Variants in KCNAB2 observed in about 807,000 individuals in gnomAD.
The protein encoded by KCNAB2 is voltage-gated potassium channel subunit beta-2.
In KCNAB2, 29 loss-of-function variants were observed where a neutral mutation model predicts 63.6. That is an observed-to-expected ratio of 0.46 (90% CI 0.34 to 0.62). The LOEUF is 0.62. Ranked by LOEUF, KCNAB2 falls within the 20% of genes least tolerant of loss-of-function variation. KCNAB2 has a pLI of 0.01. For synonymous variants in KCNAB2, 222 were observed against 224.2 expected (o/e 0.99, Z 0.09); for missense variants, 359 against 563.9 (o/e 0.64, Z 3.68).
At chr1:6,048,654 C>T (rs1054042735) in intron 1 of KCNAB2, among the ~76,000 whole-genome samples, 1 of 152,266 alleles carries the variant, frequency 6.6e-6, no homozygotes, top group African/African-American at 2.4e-5. Flanking sequence ...TCGGGCCAGG[C>T]AGGGAACTTG....
intron 10 of KCNAB2, among the ~76,000 whole-genome samples, chr1:6,092,624 G>A (rs944198439): frequency 1.2e-4 from 19 of 152,234 alleles, no homozygotes; most frequent in Non-Finnish European, 5.9e-5. Flanking sequence ...CCAGGAGCCC[G>A]GACCTGGGCA....
chr1:5,993,087 GGTGCACCTCTTCCCC>G (rs1173236360), intron 1 of KCNAB2, among the ~76,000 whole-genome samples: 4 of 111,842 alleles, frequency 3.6e-5, no homozygotes, highest in Admixed American at 1.2e-4. Context: ...CCCTCTTCCC[GGTGCACCTCTTCCCC>G]ATCTCTGCCC....
chr1:6,065,000 C>T (rs967278378), intron 2 of KCNAB2, among the ~76,000 whole-genome samples: 14 of 152,192 alleles, frequency 9.2e-5, no homozygotes, highest in Admixed American at 5.2e-4. Flanking sequence ...CTTTGACCCC[C>T]GCGTTTCCTT....
rs1665915199 is a variant in KCNAB2 at position 6,099,875 on chromosome 1, G to A, written c.*1301G>A. 1 of 1,549,884 alleles carries A rather than the reference G, an allele frequency of 6.5e-7. No individual in the cohort carries two copies. The highest frequency in any genetic ancestry group is 1.4e-5 in the African/African-American group (1 of 73,054). ...CAGAGTGACGCCCCCGTGCAGCTTGGGCCGGAGGGCAAGGGATGCCAGTAA... is the reference window on the plus strand; with the variant it reads ...CAGAGTGACGCCCCCGTGCAGCTTGAGCCGGAGGGCAAGGGATGCCAGTAA... On this transcript the variant is annotated 3_prime_UTR_variant, in exon 16 of 16. Transcript: ENST00000378083.
At chr1:6,068,566 A>G (rs1379627917) in intron 2 of KCNAB2, among the ~76,000 whole-genome samples, 2 of 152,184 alleles carry the variant, frequency 1.3e-5, no homozygotes, top group South Asian at 4.1e-4. Flanking sequence ...GGGTAGGTTC[A>G]TAGCCCTGTA....
At position 6,094,360 on chromosome 1, in the gene KCNAB2, G is replaced by A. The variant is rs778762763; in HGVS notation, c.647-40G>A. ...TGTCCCGAGGCTGGCCCTGAGCCCT[G>A]GCTGCCCCCCACCTGCGGTTTCCCT... On this transcript the variant is annotated intron_variant, in intron 10 of 15. Transcript: ENST00000378083. The A allele has an allele frequency of 1.8e-5, 27 of 1,541,226 alleles. No homozygotes were observed. The Admixed American group carries it at 4.9e-4, about 28-fold the overall frequency.
At chr1:6,023,643 T>C (rs1658974355) in intron 1 of KCNAB2, among the ~76,000 whole-genome samples, 1 of 152,258 alleles carries the variant, frequency 6.6e-6, no homozygotes, top group South Asian at 2.1e-4. Flanking sequence ...GTAATTGGGC[T>C]GTTTGGTTTT....
chr1:6,069,510 T>C lies in KCNAB2; in HGVS notation c.219-3245T>C, dbSNP rs1278078241. 1.3e-5 allele frequency among the ~76,000 whole-genome samples: 2 copies of C among 152,060 alleles called. No individual in the cohort carries two copies. The highest frequency in any genetic ancestry group is 2.9e-5 in the Non-Finnish European group (2 of 68,016). On this transcript the variant is annotated intron_variant, in intron 2 of 15. Coordinates refer to ENST00000378083, the MANE Select transcript of KCNAB2 (RefSeq NM_001199862.2). This position sits in a 1 kb window ranked among gnomAD's most constrained non-coding sequence, Gnocchi z 5.4. ...AGGAGTCCAGACCCCAGGAGAGACA[T>C]GAGGCAAATTAATGAAGACCGACAG... is the stretch of plus-strand genomic sequence containing the variant.
rs1665946763 is a variant in KCNAB2 at position 6,100,286 on chromosome 1, C to T, written c.*1712C>T. ...TTCATGCTGCCCCTGGCGCCTAGAA[C>T]CCTTGCCCCTCCTCATAGACCAAGT... is the stretch of plus-strand genomic sequence containing the variant. On this transcript the variant is annotated 3_prime_UTR_variant, in exon 16 of 16. Transcript: ENST00000378083. 2.2e-6 allele frequency: 1 copy of T among 456,088 alleles called. No individual in the cohort carries two copies. The allele number at this position is 456,088 out of a possible 1,614,324, so 28.3% of individuals were successfully genotyped here.
At chr1:6,037,426 G>T (rs1660131935) in intron 1 of KCNAB2, among the ~76,000 whole-genome samples, 1 of 152,194 alleles carries the variant, frequency 6.6e-6, no homozygotes, top group African/African-American at 2.4e-5. Flanking sequence ...AGGGCTCCCT[G>T]GGGACGGGCT....
At chr1:6,060,116 C>A (rs550229033) in intron 2 of KCNAB2, among the ~76,000 whole-genome samples, 3 of 152,240 alleles carry the variant, frequency 2.0e-5, no homozygotes, top group Admixed American at 6.5e-5. Flanking sequence ...AGACACAGAA[C>A]CTGCTGCTGC....
intron 1 of KCNAB2, among the ~76,000 whole-genome samples, chr1:6,013,364 G>A (rs951698132): frequency 3.9e-5 from 6 of 152,216 alleles, no homozygotes; most frequent in East Asian, 1.9e-4. Context: ...CAGCCTCTCC[G>A]AAGAGATGAA....
chr1:6,096,788 C>T lies in KCNAB2; in HGVS notation c.1069+32C>T, dbSNP rs369535454. 25 of 1,532,256 alleles carry T rather than the reference C, an allele frequency of 1.6e-5. No homozygotes were observed. Among genetic ancestry groups the T allele is most frequent in the Non-Finnish European group, 2.2e-5 (25 of 1,133,998 alleles). The allele number at this position is 1,532,256 out of a possible 1,614,324, so 94.9% of individuals were successfully genotyped here. A position where few individuals can be genotyped will look rare whatever the true frequency, so the allele number is the denominator to read the frequency against. On this transcript the variant is annotated intron_variant, in intron 14 of 15. Transcript: ENST00000378083. The surrounding 1 kb of genome is among the most constrained non-coding windows in gnomAD (Gnocchi z 5.9). ...GTGGGGTCGCCATGGGGCCAGTGCC[C>T]CTGGGGAGAACCTGCCCCAGCTGGC...
chr1:6,053,984 A>G (rs1164120116), intron 2 of KCNAB2, among the ~76,000 whole-genome samples: 1 of 151,632 alleles, frequency 6.6e-6, no homozygotes, highest in Non-Finnish European at 1.5e-5. Context: ...TCAACGCTGC[A>G]GTGAGCCCTA....
At chr1:6,058,055 G>A (rs1661990695) in intron 2 of KCNAB2, among the ~76,000 whole-genome samples, 1 of 152,186 alleles carries the variant, frequency 6.6e-6, no homozygotes, top group Admixed American at 6.5e-5. Flanking sequence ...TGAGGCTGAA[G>A]TGAGGATCAC....
At chr1:6,056,472 A>T (rs1378283279) in intron 2 of KCNAB2, among the ~76,000 whole-genome samples, 2 of 152,196 alleles carry the variant, frequency 1.3e-5, no homozygotes, top group African/African-American at 2.4e-5. Flanking sequence ...GGCCTAGCAC[A>T]CACTTCCCCT....
At chr1:6,067,122 C>T (rs1446833144) in intron 2 of KCNAB2, among the ~76,000 whole-genome samples, 1 of 152,346 alleles carries the variant, frequency 6.6e-6, no homozygotes, top group Non-Finnish European at 1.5e-5. Context: ...GCCGGCCTTC[C>T]TCACTCCCCA....
chr1:6,093,987 C>A (rs1232835671), intron 10 of KCNAB2, among the ~76,000 whole-genome samples: 2 of 152,154 alleles, frequency 1.3e-5, no homozygotes, highest in South Asian at 2.1e-4. Context: ...CTGACTGTAA[C>A]GTTCATGCAT....
intron 3 of KCNAB2, 53 bp downstream of exon 3, chr1:6,072,851 C>T: frequency 5.7e-6 from 9 of 1,575,102 alleles, no homozygotes; most frequent in Admixed American, 1.7e-5. Flanking sequence ...GTGGGGAGGC[C>T]GGGCATGGAC....
Sources: gnomAD v4.1 joint callset for allele counts (sites outside exome capture counted in the v4.1 genomes callset) on GRCh38, gnomAD v4.1.1 for gene constraint, Gnocchi (gnomAD v3.1) non-coding constraint, MANE v1.5 for transcripts, NCBI Gene and HGNC (gene_info 2026-07-23, HGNC 2026-07-21) for gene names.